Variants in DAB2IP observed in about 807,000 individuals in gnomAD.
DAB2IP encodes disabled homolog 2-interacting protein.
A neutral mutation model predicts 107.2 loss-of-function variants in DAB2IP; 28 were observed. The observed-to-expected ratio is 0.26, with a 90% CI of 0.19 to 0.36. The LOEUF (loss-of-function observed/expected upper bound fraction) is 0.36, where lower values mean the gene tolerates loss of function less well. Among genes scored for constraint, DAB2IP ranks in the 10% least tolerant of loss-of-function variants. DAB2IP has a pLI of 1.00. For missense variants in DAB2IP, 1,400 were observed against 1,644.7 expected (o/e 0.85, Z 2.57); for synonymous variants, 755 against 706.4 (o/e 1.07, Z -1.09).
In DAB2IP at chr9:121,774,043, A is replaced by C. The variant is rs561484106; in HGVS notation, c.2968-217A>C. On this transcript the variant is annotated intron_variant, in intron 12 of 15. Transcript: ENST00000408936. Reference sequence around the variant, plus strand: ...CTCTTGGCAGCAGAGTGTGGTGCTCAGGAGGCCACCTGGCACCTGTCAGCT... The same window carrying C: ...CTCTTGGCAGCAGAGTGTGGTGCTCCGGAGGCCACCTGGCACCTGTCAGCT... Among the ~76,000 whole-genome samples, 170 of 152,300 alleles carry C rather than the reference A, an allele frequency of 1.1e-3. 1 individual carries two copies. Among genetic ancestry groups the C allele is most frequent in the Non-Finnish European group, 2.3e-3 (155 of 68,016 alleles).
chr9:121,601,164 C>T (rs1438825261), intron 1 of DAB2IP, among the ~76,000 whole-genome samples: 1 of 152,168 alleles, frequency 6.6e-6, no homozygotes, highest in Non-Finnish European at 1.5e-5. Context: ...CTTTCCCCAC[C>T]CCTTTTAGAC....
At chr9:121,660,519 A>T (rs368401592) in intron 1 of DAB2IP, among the ~76,000 whole-genome samples, 1 of 152,102 alleles carries the variant, frequency 6.6e-6, no homozygotes, top group Non-Finnish European at 1.5e-5. Context: ...CAGGTGCAGG[A>T]TGGGGGAAGG....
At chr9:121,755,221 G>A (rs1589647997) in intron 3 of DAB2IP, among the ~76,000 whole-genome samples, 1 of 151,758 alleles carries the variant, frequency 6.6e-6, no homozygotes, top group African/African-American at 2.4e-5. Flanking sequence ...CCAACACAGC[G>A]GTGTGGCGGT....
chr9:121,778,819 A>G (rs547378980), intron 14 of DAB2IP, among the ~76,000 whole-genome samples: 1 of 152,122 alleles, frequency 6.6e-6, no homozygotes, highest in Non-Finnish European at 1.5e-5. Flanking sequence ...GGAGTCTGTC[A>G]TTGTCTTTGT....
At chr9:121,758,945 T>C (rs1833683725) in exon 5 of DAB2IP, 1 of 1,613,680 alleles carries the variant, frequency 6.2e-7, no homozygotes, top group Non-Finnish European at 8.5e-7. Flanking sequence ...GGTCTGCAGC[T>C]GAGCGGGATA....
intron 3 of DAB2IP, among the ~76,000 whole-genome samples, chr9:121,725,228 C>T (rs1831171729): frequency 6.6e-6 from 1 of 152,188 alleles, no homozygotes; most frequent in Non-Finnish European, 1.5e-5. Context: ...TCTTCTTAAT[C>T]AGCCTATTTC....
intron 1 of DAB2IP, among the ~76,000 whole-genome samples, chr9:121,581,340 T>C (rs535898405): frequency 4.6e-5 from 7 of 152,274 alleles, no homozygotes; most frequent in South Asian, 2.1e-4. Flanking sequence ...CGTCCCCCAA[T>C]GTCCTTGGCA....
At position 121,776,511 on chromosome 9, in the gene DAB2IP, G is replaced by C. The variant is rs1835210690; in HGVS notation, c.3314+120G>C. The C allele has an allele frequency of 2.5e-6, 3 of 1,179,858 alleles. No individual in the cohort carries two copies. The highest frequency in any genetic ancestry group is 3.5e-6 in the Non-Finnish European group (3 of 861,794). The allele number at this position is 1,179,858 out of a possible 1,614,324, so 73.1% of individuals were successfully genotyped here. A position where few individuals can be genotyped will look rare whatever the true frequency, so the allele number is the denominator to read the frequency against. Reference sequence around the variant, plus strand: ...GATAAGCTGAATGTGGAGAGAGGAGGGAAGAGAGTGTCTGGGCAGTGGGAG... The same window carrying C: ...GATAAGCTGAATGTGGAGAGAGGAGCGAAGAGAGTGTCTGGGCAGTGGGAG... On this transcript the variant is annotated intron_variant, in intron 14 of 15. Coordinates refer to ENST00000408936, the Ensembl canonical transcript of DAB2IP. The surrounding 1 kb of genome is among the most constrained non-coding windows in gnomAD (Gnocchi z 5.4).
Position 121,684,285 on chromosome 9 carries a change from G to T in DAB2IP, c.228+5504G>T, listed in dbSNP as rs938605629. Among the ~76,000 whole-genome samples the T allele has an allele frequency of 4.6e-5, 7 of 152,106 alleles. No homozygotes were observed. Among genetic ancestry groups the T allele is most frequent in the Non-Finnish European group, 7.4e-5 (5 of 68,014 alleles). ...GGGACTGAGAATCATAGACGGGAGG[G>T]TCCTTTCCTGAGGTCACACAGCATG... On this transcript the variant is annotated intron_variant, in intron 2 of 15. Transcript: ENST00000408936. The surrounding 1 kb of genome is among the most constrained non-coding windows in gnomAD (Gnocchi z 4.0).
chr9:121,771,546 T>C (rs116856589), intron 11 of DAB2IP, among the ~76,000 whole-genome samples: 1 of 151,920 alleles, frequency 6.6e-6, no homozygotes, highest in East Asian at 1.9e-4. Flanking sequence ...TTGCATTGGG[T>C]CTGTTCAGTG....
intron 1 of DAB2IP, among the ~76,000 whole-genome samples, chr9:121,657,212 G>A (rs1833005607): frequency 1.3e-5 from 2 of 152,062 alleles, no homozygotes; most frequent in Non-Finnish European, 2.9e-5. Context: ...CTCCACCAAA[G>A]CCCTTAGTGC....
chr9:121,763,682 G>T (rs749303527), intron 7 of DAB2IP, 33 bp downstream of exon 7: 2 of 1,611,970 alleles, frequency 1.2e-6, no homozygotes, highest in South Asian at 2.2e-5. Flanking sequence ...GGCAGAGGGT[G>T]GGGCAGGGCC....
At chr9:121,706,373 C>T (rs1221283830) in intron 3 of DAB2IP, among the ~76,000 whole-genome samples, 1 of 152,138 alleles carries the variant, frequency 6.6e-6, no homozygotes, top group Non-Finnish European at 1.5e-5. Context: ...GGGAAGCCAC[C>T]CCCCAGTCAG....
intron 1 of DAB2IP, among the ~76,000 whole-genome samples, chr9:121,574,657 G>A (rs1039408127): frequency 2.0e-5 from 3 of 152,136 alleles, no homozygotes; most frequent in African/African-American, 7.3e-5. Flanking sequence ...AGCGAGTGAG[G>A]AACACTTGTG....
intron 1 of DAB2IP, among the ~76,000 whole-genome samples, chr9:121,631,307 G>A (rs1360014692): frequency 6.6e-6 from 1 of 152,144 alleles, no homozygotes. Flanking sequence ...GACCATCCTG[G>A]GAAGGCTTCA....
At position 121,766,484 on chromosome 9, in the gene DAB2IP, C is replaced by T. The variant is rs117274101; in HGVS notation, c.1461-10C>T. 617 of 1,602,500 alleles carry T rather than the reference C, an allele frequency of 3.9e-4. 3 individuals are homozygous for T. In the East Asian group the frequency reaches 0.011, roughly 29 times the overall value. ...GACAGCCAAGCCCACCTTTGTCTGT[C>T]CCTACACAGTGTCTTCCCACGGGAG... On this transcript the variant is annotated splice_polypyrimidine_tract_variant and intron_variant, in intron 8 of 15. Transcript: ENST00000408936.
intron 3 of DAB2IP, among the ~76,000 whole-genome samples, chr9:121,700,205 GAGGTGGCTGGTGGGGCAGA>G (rs1829698427): frequency 6.6e-6 from 1 of 152,222 alleles, no homozygotes; most frequent in African/African-American, 2.4e-5. Flanking sequence ...ATTCCGCGGG[GAGGTGGCTGGTGGGGCAGA>G]AGGGGAGAGG....
chr9:121,595,998 C>A (rs894865598), intron 1 of DAB2IP, among the ~76,000 whole-genome samples: 1 of 151,886 alleles, frequency 6.6e-6, no homozygotes, highest in Non-Finnish European at 1.5e-5. Context: ...ACCAGCCTGG[C>A]CAACATAGAG....
chr9:121,600,289 C>A (rs1830651088), intron 1 of DAB2IP, among the ~76,000 whole-genome samples: 1 of 152,158 alleles, frequency 6.6e-6, no homozygotes, highest in Non-Finnish European at 1.5e-5. Flanking sequence ...CCTGGCCAAT[C>A]CTAAATTATC....
Sources: gnomAD v4.1 joint callset for allele counts (sites outside exome capture counted in the v4.1 genomes callset) on GRCh38, gnomAD v4.1.1 for gene constraint, Gnocchi (gnomAD v3.1) non-coding constraint, MANE v1.5 for transcripts, NCBI Gene and HGNC (gene_info 2026-07-23, HGNC 2026-07-21) for gene names.